Variants in KCNT2 observed in about 807,000 individuals in gnomAD.
KCNT2 encodes the protein potassium channel subfamily T member 2.
KCNT2 carries 67 observed loss-of-function variants against 153.8 expected under a neutral mutation model. That is an observed-to-expected ratio of 0.44 (90% CI 0.36 to 0.53). The LOEUF (loss-of-function observed/expected upper bound fraction) is 0.53. KCNT2 is among the 20% of genes least tolerant of loss of function. KCNT2 has a pLI of 0.00. For missense variants in KCNT2, 975 were observed against 1,354.8 expected, an observed-to-expected ratio of 0.72 and a Z score of 4.40; for synonymous variants, 500 against 458.8, an observed-to-expected ratio of 1.09 and a Z score of -1.15.
chr1:196,575,411 G>A (rs935224290), intron 1 of KCNT2, among the ~76,000 whole-genome samples: 7 of 151,956 alleles, frequency 4.6e-5, no homozygotes, highest in South Asian at 4.2e-4. Flanking sequence ...TGTCCATAGC[G>A]CTAAACTATG....
At chr1:196,566,089 A>G (rs1281849715) in intron 1 of KCNT2, among the ~76,000 whole-genome samples, 1 of 152,018 alleles carries the variant, frequency 6.6e-6, no homozygotes, top group East Asian at 1.9e-4. Context: ...TTATTTGTCA[A>G]TTTTAAAAAT....
intron 18 of KCNT2, 29 bp downstream of exon 18, chr1:196,331,127 T>C (rs575747366): frequency 3.4e-6 from 4 of 1,179,012 alleles, no homozygotes; most frequent in Admixed American, 1.8e-5. Context: ...TTTTATTTTG[T>C]AAACAAAAAA....
chr1:196,241,671 A>C (rs1301443025), intron 26 of KCNT2, among the ~76,000 whole-genome samples: 1 of 152,098 alleles, frequency 6.6e-6, no homozygotes, highest in Admixed American at 6.6e-5. Flanking sequence ...TCAACATCAT[A>C]TGAAACTATG....
chr1:196,563,471 A>AC (rs1288082212), intron 1 of KCNT2, among the ~76,000 whole-genome samples: 1 of 5,082 alleles, frequency 2.0e-4, no homozygotes, highest in Non-Finnish European at 5.4e-3. Flanking sequence ...AAAAAAAAAA[A>AC]CTTTTCAAAC....
chr1:196,518,744 C>G (rs1572705261), intron 1 of KCNT2, among the ~76,000 whole-genome samples: 1 of 152,230 alleles, frequency 6.6e-6, no homozygotes, highest in Non-Finnish European at 1.5e-5. Flanking sequence ...ATCCTAAATA[C>G]ATATGCAACC....
chr1:196,271,039 C>CACACACACAA (rs2147829013), intron 25 of KCNT2, among the ~76,000 whole-genome samples: 1 of 151,944 alleles, frequency 6.6e-6, no homozygotes, highest in South Asian at 2.1e-4. Context: ...CACACAACCA[C>CACACACACAA]ACACACACAA....
intron 14 of KCNT2, among the ~76,000 whole-genome samples, chr1:196,371,910 A>G (rs1454727869): frequency 1.3e-5 from 2 of 152,084 alleles, no homozygotes; most frequent in Non-Finnish European, 2.9e-5. Context: ...TCATCATTAC[A>G]GTTGTCTGAG....
Position 196,318,779 on chromosome 1 carries a change from C to G in KCNT2, c.2348+705G>C, listed in dbSNP as rs537946585. On this transcript the variant is annotated intron_variant, in intron 20 of 27. Transcript: ENST00000294725. ...CAAAGTTGTAAAACTGTGTTTTCTT[C>G]AACATCTACAGGATAAAATGTAAGT... 4.0e-5 allele frequency among the ~76,000 whole-genome samples: 6 copies of G among 151,826 alleles called. No individual in the cohort carries two copies. The East Asian group carries it at 1.2e-3, about 30-fold the overall frequency.
intron 1 of KCNT2, among the ~76,000 whole-genome samples, chr1:196,547,213 G>C (rs1020603145): frequency 6.6e-6 from 1 of 151,926 alleles, no homozygotes; most frequent in African/African-American, 2.4e-5. Flanking sequence ...AAAAACTCAG[G>C]ATGCTCAGGG....
chr1:196,493,590 T>G (rs1461220329), intron 1 of KCNT2, among the ~76,000 whole-genome samples: 2 of 152,150 alleles, frequency 1.3e-5, no homozygotes, highest in Non-Finnish European at 2.9e-5. Flanking sequence ...CTGAGATACA[T>G]GTGCAGAACG....
intron 22 of KCNT2, among the ~76,000 whole-genome samples, chr1:196,286,304 T>C (rs947499328): frequency 6.6e-5 from 10 of 151,992 alleles, no homozygotes; most frequent in South Asian, 4.1e-4. Flanking sequence ...ATGAATGCAA[T>C]TGCCTTTTTA....
At position 196,572,433 on chromosome 1, in the gene KCNT2, AC is replaced by A. The variant is rs1660889376; in HGVS notation, c.95+35781del. 2.0e-5 allele frequency among the ~76,000 whole-genome samples: 3 copies of A among 152,114 alleles called. No homozygotes were observed. The South Asian group carries it at 6.2e-4, about 31-fold the overall frequency. On this transcript the variant is annotated intron_variant, in intron 1 of 27. Transcript: ENST00000294725. ...TTTGATAACAACACACAAAAAGGAA[AC>A]TTAGATGTCTTAATCTTGGCTTTCT...
intron 12 of KCNT2, among the ~76,000 whole-genome samples, chr1:196,409,753 G>A (rs1302566003): frequency 2.6e-5 from 4 of 151,750 alleles, no homozygotes; most frequent in South Asian, 2.1e-4. Flanking sequence ...ATACTGCAAT[G>A]AACATAGGAG....
chr1:196,555,822 C>T (rs893357943), intron 1 of KCNT2, among the ~76,000 whole-genome samples: 2 of 150,698 alleles, frequency 1.3e-5, no homozygotes, highest in African/African-American at 2.4e-5. Context: ...CAATGGAAAA[C>T]AATAAAGAAC....
intron 1 of KCNT2, among the ~76,000 whole-genome samples, chr1:196,560,304 A>G (rs1332453602): frequency 6.6e-6 from 1 of 151,952 alleles, no homozygotes; most frequent in South Asian, 2.1e-4. Flanking sequence ...TTTCACTCAA[A>G]CAATGTGGTA....
intron 26 of KCNT2, among the ~76,000 whole-genome samples, chr1:196,243,565 A>T (rs1655152367): frequency 6.6e-6 from 1 of 152,122 alleles, no homozygotes; most frequent in South Asian, 2.1e-4. Context: ...GTGAGACTGC[A>T]TTGGAACTCA....
intron 1 of KCNT2, among the ~76,000 whole-genome samples, chr1:196,498,431 C>T (rs1680424323): frequency 6.6e-6 from 1 of 152,088 alleles, no homozygotes; most frequent in South Asian, 2.1e-4. Flanking sequence ...CTTTTTCCCT[C>T]CCTCTTTCTT....
chr1:196,403,674 T>G (rs966525004), intron 12 of KCNT2, among the ~76,000 whole-genome samples: 1 of 150,904 alleles, frequency 6.6e-6, no homozygotes, highest in African/African-American at 2.4e-5. Context: ...GGGTGAGATA[T>G]GGACATTCTC....
chr1:196,312,462 G>A (rs1241975368), intron 21 of KCNT2, among the ~76,000 whole-genome samples: 1 of 151,704 alleles, frequency 6.6e-6, no homozygotes, highest in Non-Finnish European at 1.5e-5. Flanking sequence ...ATCAGGGTAA[G>A]TGATAAATAA....
Sources: allele counts gnomAD v4.1 joint callset (sites outside exome capture counted in the v4.1 genomes callset), GRCh38; gene constraint gnomAD v4.1.1; transcripts MANE v1.5; gene names NCBI Gene and HGNC (gene_info 2026-07-23, HGNC 2026-07-21).